The following CASK variants were observed in gnomAD, a reference collection of about 807,000 sequenced individuals.
CASK encodes calcium/calmodulin dependent serine protein kinase.
Under a neutral mutation model 82.9 loss-of-function variants are expected in CASK, and 4 were observed. The ratio of observed to expected loss-of-function variants is 0.05; its 90% CI spans 0.02 to 0.11. The LOEUF (loss-of-function observed/expected upper bound fraction) is 0.11, where lower values mean the gene tolerates loss of function less well. Ranked by LOEUF, CASK falls within the 10% of genes least tolerant of loss-of-function variation. The pLI is 1.00. For synonymous variants in CASK, 259 were observed against 253.5 expected, an observed-to-expected ratio of 1.02 and a Z score of -0.20; for missense variants, 358 against 720.9, an observed-to-expected ratio of 0.50 and a Z score of 5.76.
chrX:41,553,999 G>C lies in CASK; in HGVS notation c.1843-84C>G, dbSNP rs148958867. On this transcript the variant is annotated intron_variant, in intron 20 of 26. Coordinates refer to ENST00000378163, the MANE Select transcript of CASK (RefSeq NM_001367721.1). ...CTAATGTCATAACCACACACCAACA[G>C]TTACAATACAAACAGGACATCAGAT... 1.5e-3 allele frequency: 1,006 copies of C among 675,335 alleles called. 8 individuals are homozygous for C. The African/African-American group carries it at 0.02, about 13-fold the overall frequency. 55.7% of individuals were successfully genotyped at this position (675,335 alleles called of 1,213,427 possible).
intron 22 of CASK, among the ~76,000 whole-genome samples, chrX:41,541,882 A>G (rs2064950173): frequency 9.0e-6 from 1 of 111,523 alleles, no homozygotes; most frequent in Non-Finnish European, 1.9e-5. Flanking sequence ...TTATAAAAGG[A>G]GTTGTATTAA....
intron 5 of CASK, among the ~76,000 whole-genome samples, chrX:41,719,953 C>T (rs2068133736): frequency 8.9e-6 from 1 of 112,552 alleles, no homozygotes; most frequent in Non-Finnish European, 1.9e-5. Context: ...ATTTCTTTAT[C>T]ACGGCTAGCA....
At chrX:41,534,392 AACACACACACACACACAC>A (rs56349527) in intron 24 of CASK, among the ~76,000 whole-genome samples, 2 of 91,234 alleles carry the variant, frequency 2.2e-5, no homozygotes, top group African/African-American at 4.0e-5. Flanking sequence ...TTTTATTTAA[AACACACACACACACACAC>A]ACACACACAC....
chrX:41,672,049 GTAC>G (rs772448391), intron 5 of CASK, among the ~76,000 whole-genome samples: 1 of 110,742 alleles, frequency 9.0e-6, no homozygotes, highest in Non-Finnish European at 1.9e-5. Flanking sequence ...AAGCCAAGGA[GTAC>G]TACATGGATG....
intron 12 of CASK, among the ~76,000 whole-genome samples, chrX:41,591,118 AG>A (rs1387601027): frequency 8.9e-6 from 1 of 111,946 alleles, no homozygotes. Flanking sequence ...CGTCCACAAA[AG>A]TTTGCCCAAA....
chrX:41,675,698 A>C, intron 5 of CASK: 1 of 1,033,451 alleles, frequency 9.7e-7, no homozygotes, highest in Non-Finnish European at 1.3e-6. Flanking sequence ...GACAGCATGG[A>C]TGACAAATGG....
intron 10 of CASK, 68 bp from the exon 11 acceptor site, chrX:41,622,702 C>T: frequency 1.0e-6 from 1 of 974,503 alleles, no homozygotes. Context: ...GTTATCAAGC[C>T]ACAGTTCGGC....
At chrX:41,658,288 G>A (rs903684853) in intron 8 of CASK, among the ~76,000 whole-genome samples, 3 of 112,367 alleles carry the variant, frequency 2.7e-5, no homozygotes, top group Non-Finnish European at 5.6e-5. Context: ...AAGAGGCTGT[G>A]GTGTCCCCAA....
intron 12 of CASK, chrX:41,590,023 G>A (rs2065719873): frequency 6.7e-6 from 1 of 148,975 alleles, no homozygotes; most frequent in Admixed American, 7.7e-5. Context: ...AATTTTCACA[G>A]AAACCTAAAT....
chrX:41,600,515 T>C (rs982688127), intron 12 of CASK, among the ~76,000 whole-genome samples: 5 of 112,493 alleles, frequency 4.4e-5, no homozygotes, highest in South Asian at 3.7e-4. Context: ...TTGGTAAAGT[T>C]GATCATGGTG....
chrX:41,632,420 G>A (rs1255396844), intron 9 of CASK, among the ~76,000 whole-genome samples: 1 of 111,715 alleles, frequency 9.0e-6, no homozygotes, highest in Non-Finnish European at 1.9e-5. Flanking sequence ...CAGTTACCAA[G>A]ACTCTATAGC....
At chrX:41,856,197 T>C (rs1009154296) in intron 1 of CASK, among the ~76,000 whole-genome samples, 2 of 112,062 alleles carry the variant, frequency 1.8e-5, no homozygotes, top group African/African-American at 6.5e-5. Flanking sequence ...GATCATGGGA[T>C]AGATTGAGCA....
At chrX:41,721,855 A>G (rs1055908820) in intron 5 of CASK, among the ~76,000 whole-genome samples, 4 of 111,869 alleles carry the variant, frequency 3.6e-5, no homozygotes, top group African/African-American at 9.8e-5. Flanking sequence ...TTGCTTTCAC[A>G]AAGCCTTTCA....
intron 2 of CASK, among the ~76,000 whole-genome samples, chrX:41,824,142 C>G (rs2070608278): frequency 1.8e-5 from 2 of 111,822 alleles, no homozygotes; most frequent in African/African-American, 6.5e-5. Context: ...CATTTCCTTC[C>G]TTAAGCCCTA....
At chrX:41,524,183 T>G (rs1411183272) in intron 25 of CASK, 149 bp from the exon 26 acceptor site, 1 of 469,484 alleles carries the variant, frequency 2.1e-6, no homozygotes, top group African/African-American at 2.4e-5. Context: ...TTTACCAACT[T>G]TATACATAAC....
In CASK at chrX:41,725,305, C is replaced by T. The variant is rs575275453; in HGVS notation, c.429+14079G>A. 3.6e-5 allele frequency among the ~76,000 whole-genome samples: 4 copies of T among 111,194 alleles called. No individual in the cohort carries two copies. The South Asian group carries it at 1.5e-3, about 42-fold the overall frequency. ...ATAATATCATATTTGAAAAAAAACC[C>T]CAATTTCTGTAATCCAAGATGCAGA... On this transcript the variant is annotated intron_variant, in intron 5 of 26. Transcript: ENST00000378163.
At chrX:41,670,199 A>C (rs1195366128) in intron 6 of CASK, among the ~76,000 whole-genome samples, 2 of 112,075 alleles carry the variant, frequency 1.8e-5, no homozygotes, top group African/African-American at 6.5e-5. Flanking sequence ...ACAAGACTGG[A>C]GAAGTTAAGG....
intron 8 of CASK, 152 bp downstream of exon 8, chrX:41,660,287 A>C: frequency 3.9e-6 from 2 of 508,326 alleles, no homozygotes; most frequent in Non-Finnish European, 7.0e-6. Flanking sequence ...TTCACAGATG[A>C]TGTGCAGGAA....
chrX:41,651,486 G>C (rs1319320014), intron 8 of CASK, among the ~76,000 whole-genome samples: 1 of 111,958 alleles, frequency 8.9e-6, no homozygotes, highest in Non-Finnish European at 1.9e-5. Context: ...GCATATTTTT[G>C]AAGTAGCAGT....
Sources: allele counts gnomAD v4.1 joint callset (sites outside exome capture counted in the v4.1 genomes callset), GRCh38; gene constraint gnomAD v4.1.1; transcripts MANE v1.5; gene names NCBI Gene and HGNC (gene_info 2026-07-23, HGNC 2026-07-21).